PPP2R5E: variants seen among roughly 807,000 people sequenced by gnomAD.
PPP2R5E encodes serine/threonine-protein phosphatase 2A 56 kDa regulatory subunit epsilon isoform.
PPP2R5E carries 4 observed loss-of-function variants against 65.3 expected under a neutral mutation model. The observed-to-expected ratio is 0.06, with a 90% CI of 0.03 to 0.14. The LOEUF is 0.14. Ranked by LOEUF, PPP2R5E falls within the 10% of genes least tolerant of loss-of-function variation. PPP2R5E has a pLI of 1.00. For synonymous variants in PPP2R5E, 183 were observed against 187.4 expected (o/e 0.98, Z 0.19); for missense variants, 274 against 556.1 (o/e 0.49, Z 5.10).
chr14:63,457,757 T>C (rs1247801709), intron 2 of PPP2R5E, among the ~76,000 whole-genome samples: 1 of 152,194 alleles, frequency 6.6e-6, no homozygotes, highest in Non-Finnish European at 1.5e-5. Flanking sequence ...GACTCCTCCA[T>C]CCAAGGTTGT....
chr14:63,537,526 G>A (rs1159667136), intron 2 of PPP2R5E, among the ~76,000 whole-genome samples: 1 of 152,030 alleles, frequency 6.6e-6, no homozygotes, highest in Non-Finnish European at 1.5e-5. Flanking sequence ...ACAGTAATCA[G>A]TATTCAGTTT....
intron 4 of PPP2R5E, among the ~76,000 whole-genome samples, chr14:63,419,940 C>T (rs185826282): frequency 1.3e-5 from 2 of 152,260 alleles, no homozygotes; most frequent in East Asian, 1.9e-4. Flanking sequence ...GCAGTAATGA[C>T]AGTGTAAGCT....
chr14:63,433,562 A>T (rs755363605), intron 3 of PPP2R5E, among the ~76,000 whole-genome samples: 14 of 152,080 alleles, frequency 9.2e-5, no homozygotes, highest in Non-Finnish European at 2.1e-4. Context: ...CTGGGAACTG[A>T]GTGGGTTTAG....
chr14:63,542,064 T>C (rs1221299538), intron 1 of PPP2R5E, among the ~76,000 whole-genome samples: 1 of 152,218 alleles, frequency 6.6e-6, no homozygotes, highest in Non-Finnish European at 1.5e-5. Flanking sequence ...AACATTTCAG[T>C]AAATCCTCTT....
chr14:63,455,683 C>A (rs1027735998), intron 2 of PPP2R5E, among the ~76,000 whole-genome samples: 1 of 152,172 alleles, frequency 6.6e-6, no homozygotes, highest in African/African-American at 2.4e-5. Flanking sequence ...AATAAGGCTG[C>A]TTATGAGCAT....
At chr14:63,449,871 TA>T (rs1477678977) in intron 3 of PPP2R5E, among the ~76,000 whole-genome samples, 42 of 123,724 alleles carry the variant, frequency 3.4e-4, no homozygotes, top group African/African-American at 1.3e-3. Context: ...TTTCTTTTCC[TA>T]TTTTTTTTTT....
chr14:63,411,689 A>C (rs1886398636), intron 5 of PPP2R5E, among the ~76,000 whole-genome samples: 1 of 143,882 alleles, frequency 7.0e-6, no homozygotes, highest in African/African-American at 2.6e-5. Context: ...AAAAAGCCTG[A>C]CACCTCTGCC....
rs912120004 is a variant in PPP2R5E at position 63,421,942 on chromosome 14, G to A, written c.456+51C>T. 1.5e-5 allele frequency: 21 copies of A among 1,390,152 alleles called. No homozygotes were observed. In the African/African-American group the frequency reaches 2.9e-4, roughly 19 times the overall value. The allele number at this position is 1,390,152 out of a possible 1,614,324, so 86.1% of individuals were successfully genotyped here. On this transcript the variant is annotated intron_variant, in intron 4 of 13. Transcript: ENST00000337537. ...CTTCAAGGAATTCCCATGCTAATCA[G>A]CTAATGAGTTAATGGAGTTTTCTTT...
At chr14:63,387,337 C>T (rs889372396) in intron 11 of PPP2R5E, among the ~76,000 whole-genome samples, 1 of 152,222 alleles carries the variant, frequency 6.6e-6, no homozygotes, top group South Asian at 2.1e-4. Flanking sequence ...GTATCCAGCC[C>T]CTTAAAGAGG....
At chr14:63,382,199 T>C (rs1884406309) in intron 12 of PPP2R5E, 42 bp from the exon 13 acceptor site, 1 of 1,478,256 alleles carries the variant, frequency 6.8e-7, no homozygotes, top group Non-Finnish European at 9.4e-7. Context: ...GTTAGTCTTA[T>C]AAAATGGGAT....
chr14:63,522,470 C>T (rs1280983915), intron 2 of PPP2R5E, among the ~76,000 whole-genome samples: 2 of 151,168 alleles, frequency 1.3e-5, no homozygotes, highest in African/African-American at 4.9e-5. Flanking sequence ...AGCGTCTCTG[C>T]CCGGCCGCCA....
At chr14:63,436,541 C>A (rs1887961858) in intron 3 of PPP2R5E, among the ~76,000 whole-genome samples, 1 of 152,186 alleles carries the variant, frequency 6.6e-6, no homozygotes, top group South Asian at 2.1e-4. Flanking sequence ...CACACCTGAC[C>A]TACATATAAC....
intron 2 of PPP2R5E, among the ~76,000 whole-genome samples, chr14:63,459,620 G>C (rs572194284): frequency 5.6e-4 from 85 of 152,244 alleles, no homozygotes; most frequent in Non-Finnish European, 1.0e-3. Context: ...CTTTATTATT[G>C]TATTCAAAGA....
rs1428715088 is a variant in PPP2R5E, at chr14:63,383,423, T to C, written c.1202+1021A>G. On this transcript the variant is annotated intron_variant, in intron 12 of 13. Coordinates refer to ENST00000337537, the MANE Select transcript of PPP2R5E (RefSeq NM_006246.5). ...GTTCTTTTCTGTTAAGGTTCCAGAA[T>C]GACCTTCCTCCCAAGGGCAGTGATG... Among the ~76,000 whole-genome samples, 5 of 152,198 alleles carry C rather than the reference T, an allele frequency of 3.3e-5. No homozygotes were observed. The East Asian group carries it at 7.7e-4, about 23-fold the overall frequency.
At position 63,522,943 on chromosome 14, in the gene PPP2R5E, G is replaced by A. The variant is rs548486527; in HGVS notation, c.157+16586C>T. On this transcript the variant is annotated intron_variant, in intron 2 of 13. Transcript: ENST00000337537. ...AGCCCTCTACCCGGCCAGCCGCCCCGTCCGGGAGGGAGGTGGGGGGGTCAG... is the reference window on the plus strand; with the variant it reads ...AGCCCTCTACCCGGCCAGCCGCCCCATCCGGGAGGGAGGTGGGGGGGTCAG... Among the ~76,000 whole-genome samples the A allele has an allele frequency of 3.5e-5, 5 of 144,656 alleles. No individual in the cohort carries two copies. The South Asian group carries it at 7.0e-4, about 20-fold the overall frequency. The allele number at this position is 144,656 out of a possible 152,430, so 94.9% of individuals were successfully genotyped here.
At chr14:63,434,773 A>G (rs1371721740) in intron 3 of PPP2R5E, among the ~76,000 whole-genome samples, 1 of 152,046 alleles carries the variant, frequency 6.6e-6, no homozygotes, top group Non-Finnish European at 1.5e-5. Flanking sequence ...TATTTTTTTA[A>G]CCCTTTGGAG....
At chr14:63,461,507 G>A (rs1241603699) in intron 2 of PPP2R5E, among the ~76,000 whole-genome samples, 1 of 152,092 alleles carries the variant, frequency 6.6e-6, no homozygotes, top group Admixed American at 6.6e-5. Flanking sequence ...TTCAAAAGGA[G>A]GGTTGGTGCT....
At chr14:63,504,003 A>T (rs1892037264) in intron 2 of PPP2R5E, among the ~76,000 whole-genome samples, 1 of 152,218 alleles carries the variant, frequency 6.6e-6, no homozygotes, top group Non-Finnish European at 1.5e-5. Flanking sequence ...ATTTGAATAC[A>T]TCACTTCATT....
chr14:63,439,701 T>C (rs1033784634), intron 3 of PPP2R5E, among the ~76,000 whole-genome samples: 2 of 152,190 alleles, frequency 1.3e-5, no homozygotes, highest in African/African-American at 4.8e-5. Flanking sequence ...TCTATGCCAC[T>C]GACCCAGGAA....
Sources: allele counts gnomAD v4.1 joint callset (sites outside exome capture counted in the v4.1 genomes callset), GRCh38; gene constraint gnomAD v4.1.1; transcripts MANE v1.5; gene names NCBI Gene and HGNC (gene_info 2026-07-23, HGNC 2026-07-21).